Variants in STAG1 observed in about 807,000 individuals in gnomAD.
The protein encoded by STAG1 is cohesin subunit SA-1.
In STAG1, 26 loss-of-function variants were observed where a neutral mutation model predicts 170.9. That is an observed-to-expected ratio of 0.15 (90% CI 0.11 to 0.21). The LOEUF (loss-of-function observed/expected upper bound fraction) is 0.21, where lower values mean the gene tolerates loss of function less well. Among genes scored for constraint, STAG1 ranks in the 10% least tolerant of loss-of-function variants. The pLI, the probability that STAG1 is intolerant of heterozygous loss-of-function variation, is 1.00. For missense variants in STAG1, 964 were observed against 1,509.5 expected (o/e 0.64, Z 5.99); for synonymous variants, 514 against 497.7 (o/e 1.03, Z -0.44).
rs11917373 is a variant in STAG1 at position 136,457,540 on chromosome 3, C to T, written c.1314-5393G>A. ...GCTCGGGGCCTTCGCAGCCTCCATA[C>T]CAGCGTTGGCCCCCTGGACCCACTT... On this transcript the variant is annotated intron_variant, in intron 13 of 33. Coordinates refer to ENST00000383202, the MANE Select transcript of STAG1 (RefSeq NM_005862.3). Among the ~76,000 whole-genome samples the T allele has an allele frequency of 7.5e-3, 1,147 of 152,222 alleles. 6 individuals carry two copies. The highest frequency in any genetic ancestry group is 0.012 in the Non-Finnish European group (787 of 68,012).
intron 24 of STAG1, 90 bp from the exon 25 acceptor site, chr3:136,367,172 ATAT>A (rs1244661611): frequency 1.0e-5 from 11 of 1,054,238 alleles, no homozygotes; most frequent in Non-Finnish European, 1.5e-5. Flanking sequence ...AATTAGCTTA[ATAT>A]TATAACTTCA....
At chr3:136,378,659 C>A (rs1466258348) in intron 22 of STAG1, among the ~76,000 whole-genome samples, 1 of 152,154 alleles carries the variant, frequency 6.6e-6, no homozygotes, top group East Asian at 1.9e-4. Flanking sequence ...CAGAGCAAGA[C>A]CCTGGCTTAA....
intron 1 of STAG1, among the ~76,000 whole-genome samples, chr3:136,719,438 T>C (rs754598984): frequency 7.2e-5 from 11 of 152,034 alleles, no homozygotes; most frequent in African/African-American, 2.4e-4. Context: ...GTTGGCTACA[T>C]AGTTTTCCAA....
Position 136,578,660 on chromosome 3 carries a change from G to C in STAG1, c.298-9799C>G, listed in dbSNP as rs140183122. ...TATCCAGACCTTTCATGTATTAATA[G>C]ACACTGTCTCTGAATTGACATTAAT... On this transcript the variant is annotated intron_variant, in intron 4 of 33. Coordinates refer to ENST00000383202, the MANE Select transcript of STAG1 (RefSeq NM_005862.3). Among the ~76,000 whole-genome samples the C allele has an allele frequency of 1.2e-3, 190 of 152,304 alleles. 1 individual carries two copies. The highest frequency in any genetic ancestry group is 4.2e-3 in the African/African-American group (175 of 41,566).
At chr3:136,722,825 G>A (rs1933374146) in intron 1 of STAG1, among the ~76,000 whole-genome samples, 1 of 152,138 alleles carries the variant, frequency 6.6e-6, no homozygotes, top group Admixed American at 6.5e-5. Context: ...CCGAGTGCCT[G>A]CGATTGCAGG....
At chr3:136,547,581 G>A (rs1040480514) in intron 5 of STAG1, among the ~76,000 whole-genome samples, 28 of 152,130 alleles carry the variant, frequency 1.8e-4, no homozygotes, top group African/African-American at 6.5e-4. Context: ...GCAGTTATTT[G>A]ATTGATTTCT....
At chr3:136,544,987 T>C (rs1191174254) in intron 5 of STAG1, among the ~76,000 whole-genome samples, 1 of 152,208 alleles carries the variant, frequency 6.6e-6, no homozygotes, top group Non-Finnish European at 1.5e-5. Flanking sequence ...AATCTAGTTA[T>C]GTACTAGAGA....
intron 12 of STAG1, among the ~76,000 whole-genome samples, chr3:136,471,955 A>G (rs529841376): frequency 6.6e-6 from 1 of 152,074 alleles, no homozygotes; most frequent in African/African-American, 2.4e-5. Context: ...CTCCCACCTT[A>G]GCCTCCTAAG....
At chr3:136,531,450 CACAT>C (rs1332759201) in intron 6 of STAG1, among the ~76,000 whole-genome samples, 1 of 149,910 alleles carries the variant, frequency 6.7e-6, no homozygotes, top group Non-Finnish European at 1.5e-5. Flanking sequence ...GCTATAAAGA[CACAT>C]GCACACGTCT....
chr3:136,737,286 T>C, intron 1 of STAG1: 3 of 478,666 alleles, frequency 6.3e-6, no homozygotes, highest in Non-Finnish European at 1.2e-5. Flanking sequence ...GTATTCTTAG[T>C]AGAGATGGGG....
At chr3:136,439,576 C>A (rs1370513525) in intron 15 of STAG1, among the ~76,000 whole-genome samples, 5 of 152,184 alleles carry the variant, frequency 3.3e-5, no homozygotes, top group African/African-American at 1.2e-4. Context: ...GGAATTCTAC[C>A]ACATTCCACC....
chr3:136,370,511 T>G (rs571922332), intron 23 of STAG1, among the ~76,000 whole-genome samples: 2 of 152,008 alleles, frequency 1.3e-5, no homozygotes, highest in Admixed American at 1.3e-4. Context: ...CCCTCACCAC[T>G]CCCCCCACCC....
intron 6 of STAG1, among the ~76,000 whole-genome samples, chr3:136,522,636 T>C (rs1217711149): frequency 6.6e-6 from 1 of 152,172 alleles, no homozygotes; most frequent in African/African-American, 2.4e-5. Context: ...TTGTTACATA[T>C]GTATACATGT....
chr3:136,466,521 G>A (rs763176083), intron 12 of STAG1, among the ~76,000 whole-genome samples: 42 of 152,306 alleles, frequency 2.8e-4, no homozygotes, highest in Non-Finnish European at 1.0e-4. Context: ...CCAAATCTAC[G>A]TCGGATTGGT....
At chr3:136,657,920 T>C (rs1183200837) in intron 1 of STAG1, among the ~76,000 whole-genome samples, 5 of 152,218 alleles carry the variant, frequency 3.3e-5, no homozygotes, top group Admixed American at 1.3e-4. Context: ...TGTTGTACTT[T>C]TCTTTTATCT....
chr3:136,463,737 G>GTA (rs2089343448), intron 13 of STAG1, among the ~76,000 whole-genome samples: 2 of 55,834 alleles, frequency 3.6e-5, no homozygotes, highest in Non-Finnish European at 6.9e-5. Flanking sequence ...ATGTGTATAT[G>GTA]TGTGTGTGTG....
intron 16 of STAG1, among the ~76,000 whole-genome samples, chr3:136,423,735 G>C (rs1319679528): frequency 6.6e-6 from 1 of 152,108 alleles, no homozygotes; most frequent in Non-Finnish European, 1.5e-5. Flanking sequence ...CCATCATAAT[G>C]TCAAATGGTT....
intron 6 of STAG1, among the ~76,000 whole-genome samples, chr3:136,534,014 A>G (rs1303767862): frequency 6.6e-6 from 1 of 152,256 alleles, no homozygotes; most frequent in Non-Finnish European, 1.5e-5. Flanking sequence ...TTATATTACA[A>G]GGCTATATTC....
intron 21 of STAG1, among the ~76,000 whole-genome samples, chr3:136,401,126 T>A (rs1361004863): frequency 6.6e-6 from 1 of 151,352 alleles, no homozygotes; most frequent in Non-Finnish European, 1.5e-5. Context: ...AAAAAGGAAA[T>A]AACATCTTGA....
Sources: gnomAD v4.1 joint callset for allele counts (sites outside exome capture counted in the v4.1 genomes callset) on GRCh38, gnomAD v4.1.1 for gene constraint, MANE v1.5 for transcripts, NCBI Gene and HGNC (gene_info 2026-07-23, HGNC 2026-07-21) for gene names.